Variants in CEACAM19 observed in about 807,000 individuals in gnomAD.
CEACAM19 encodes CEA cell adhesion molecule 19, also known as cell adhesion molecule CEACAM19.
In CEACAM19, 37 loss-of-function variants were observed where a neutral mutation model predicts 37.6. That is an observed-to-expected ratio of 0.98 (90% CI 0.76 to 1.29). The LOEUF (loss-of-function observed/expected upper bound fraction) is 1.29. Ranked by LOEUF, CEACAM19 falls within the 50% of genes most tolerant of loss-of-function variation. The probability of loss-of-function intolerance (pLI) is 0.00; values close to 1 mark genes in which losing one functional copy is unlikely to be tolerated. For synonymous variants in CEACAM19, 140 were observed against 149.8 expected, an observed-to-expected ratio of 0.93 and a Z score of 0.48; for missense variants, 340 against 375.6, an observed-to-expected ratio of 0.91 and a Z score of 0.78.
upstream of CEACAM19, among the ~76,000 whole-genome samples, chr19:44,668,749 TATAATATAATATATATA>T (rs1568513250): frequency 1.9e-5 from 1 of 53,676 alleles, no homozygotes; most frequent in African/African-American, 1.3e-4. Context: ...TATAATATAA[TATAATATAATATATATA>T]ATATAATATA....
intron 1 of CEACAM19, among the ~76,000 whole-genome samples, chr19:44,672,200 G>T (rs1399699787): frequency 6.6e-6 from 1 of 152,152 alleles, no homozygotes; most frequent in Non-Finnish European, 1.5e-5. Context: ...TGTATGTTTG[G>T]TTCCCTGCTA....
chr19:44,676,455 C>T (rs1305178608), intron 3 of CEACAM19, 34 bp downstream of exon 3: 7 of 1,606,084 alleles, frequency 4.4e-6, no homozygotes, highest in South Asian at 2.2e-5. Flanking sequence ...CTCCTGTCTG[C>T]TCCCACTGTC....
At chr19:44,669,856 C>A (rs764643895), upstream of CEACAM19, among the ~76,000 whole-genome samples, 138 of 152,116 alleles carry the variant, frequency 9.1e-4, 1 homozygote, top group Non-Finnish European at 1.9e-3. Flanking sequence ...CACTCTGGAT[C>A]ATAATTGTGT....
At chr19:44,667,803 AAT>A (rs1973755309), upstream of CEACAM19, among the ~76,000 whole-genome samples, 1 of 71,428 alleles carries the variant, frequency 1.4e-5, no homozygotes, top group African/African-American at 6.2e-5. Context: ...TAAATTATAT[AAT>A]TTATATATTA....
chr19:44,678,893 T>A lies in CEACAM19; in HGVS notation c.616T>A (p.Cys206Ser), dbSNP rs930049953. 1 of 1,614,090 alleles carries A rather than the reference T, an allele frequency of 6.2e-7. No individual in the cohort carries two copies. The highest frequency in any genetic ancestry group is 1.3e-5 in the African/African-American group (1 of 75,048). Residue 206 changes from cysteine (C) to serine (S), a missense_variant, in exon 4 of 8, where the codon TGC becomes AGC. Transcript: ENST00000358777. The part of the protein sequence containing the change: ...PRGQGSLSIL[C>S]SAVSPVPSVT... Reference sequence around the variant, plus strand: ...GGGCCAGGGATCTCTGTCCATCTTGTGCTCGGCTGTATCCCCAGTGCCTTC... The same window carrying A: ...GGGCCAGGGATCTCTGTCCATCTTGAGCTCGGCTGTATCCCCAGTGCCTTC...
At chr19:44,679,935 A>G (rs926576846) in intron 4 of CEACAM19, among the ~76,000 whole-genome samples, 8 of 152,170 alleles carry the variant, frequency 5.3e-5, no homozygotes, top group African/African-American at 1.9e-4. Flanking sequence ...GTCTCAAAAA[A>G]TTAAAAAATA....
In CEACAM19 at chr19:44,681,242, ATGAAG is replaced by A. The variant is rs1568518259; in HGVS notation, c.726_730del (p.Glu242AspfsTer13). On this transcript the variant is annotated frameshift_variant, in exon 6 of 8. Transcript: ENST00000358777. LOFTEE classifies it high-confidence loss of function. ...TCTGTTTCAGGTGACAACAACATCT[ATGAAG>A]TGATGCCCTCTCCAGTCCTCCTGGT... The A allele has an allele frequency of 6.8e-6, 11 of 1,614,028 alleles. No individual in the cohort carries two copies. Among genetic ancestry groups the A allele is most frequent in the Non-Finnish European group, 9.3e-6 (11 of 1,179,978 alleles).
At chr19:44,671,301 T>C, upstream of CEACAM19, 1 of 169,392 alleles carries the variant, frequency 5.9e-6, no homozygotes, top group Admixed American at 6.4e-5. Context: ...TTTGTATTTT[T>C]AGTAGAGACA....
At chr19:44,682,930 A>C (rs1391964119) in intron 7 of CEACAM19, 1 of 356,558 alleles carries the variant, frequency 2.8e-6, no homozygotes, top group East Asian at 6.1e-5. Flanking sequence ...TCAGGTCCCC[A>C]GTGAAACCCC....
chr19:44,670,810 A>T (rs74330371), upstream of CEACAM19, among the ~76,000 whole-genome samples: 1 of 139,952 alleles, frequency 7.1e-6, no homozygotes, highest in Non-Finnish European at 1.5e-5. Context: ...AAAAAAAAAA[A>T]ACAGGCTGAG....
chr19:44,669,350 C>G (rs963042395), upstream of CEACAM19, among the ~76,000 whole-genome samples: 1 of 152,030 alleles, frequency 6.6e-6, no homozygotes, highest in East Asian at 1.9e-4. Flanking sequence ...TCTCCAATTC[C>G]TAGGCTCAAG....
At chr19:44,670,549 C>T (rs145496197), upstream of CEACAM19, among the ~76,000 whole-genome samples, 1,954 of 150,572 alleles carry the variant, frequency 0.013, 53 homozygotes, top group African/African-American at 0.045. Flanking sequence ...GTGACGCATG[C>T]CTGTAATCCC....
intron 2 of CEACAM19, chr19:44,673,656 T>G (rs570730778): frequency 6.6e-6 from 1 of 152,324 alleles, no homozygotes; most frequent in East Asian, 1.9e-4. Context: ...TATTTACTCA[T>G]TTTTACCTTA....
At position 44,672,752 on chromosome 19, in the gene CEACAM19, C is replaced by A; in HGVS notation, c.212C>A (p.Thr71Lys). ...TTCAACTGGTACCTGGGGGAGGAGA[C>A]GTACGGAGGCACGAGGCTATTTACC... ...QDFNWYLGEE[T>K]YGGTRLFTYI... The change falls in exon 2 of 8, where the codon ACG (threonine) becomes AAG (lysine). Residue 71 changes from threonine to lysine, a missense_variant. By Grantham distance (78) the Thr-to-Lys change is moderately conservative. Coordinates refer to ENST00000358777, the MANE Select transcript of CEACAM19 (RefSeq NM_001127893.3). 13 of 1,581,746 alleles carry A rather than the reference C, an allele frequency of 8.2e-6. No homozygotes were observed. The highest frequency in any genetic ancestry group is 1.1e-5 in the Non-Finnish European group (13 of 1,162,274).
At chr19:44,667,585 G>GTATATATTTTTATATATAAATATATAT (rs1973735912), upstream of CEACAM19, among the ~76,000 whole-genome samples, 1 of 97,094 alleles carries the variant, frequency 1.0e-5, no homozygotes, top group African/African-American at 3.9e-5. Flanking sequence ...AATTATATAT[G>GTATATATTTTTATATATAAATATATAT]TATATATTTT....
intron 7 of CEACAM19, 95 bp downstream of exon 7, chr19:44,682,715 G>C (rs1343406594): frequency 3.4e-6 from 4 of 1,193,430 alleles, no homozygotes; most frequent in South Asian, 2.9e-5. Context: ...CTGAAACTGG[G>C]GGCTTTCCTC....
In CEACAM19 at chr19:44,683,636, C is replaced by T. The variant is rs1219104166; in HGVS notation, c.*146C>T. On this transcript the variant is annotated 3_prime_UTR_variant, in exon 8 of 8. Transcript: ENST00000358777. ...GCCAAAGACTCAGCAGCACATGGGG[C>T]AGGTGTCCTGGCAGGGGGACAGGAG... The T allele has an allele frequency of 1.4e-5, 7 of 488,804 alleles. No homozygotes were observed. Among genetic ancestry groups the T allele is most frequent in the Admixed American group, 3.7e-5 (1 of 26,908 alleles). The allele number at this position is 488,804 out of a possible 1,614,324, so 30.3% of individuals were successfully genotyped here.
At chr19:44,678,153 T>G (rs1973986047) in intron 3 of CEACAM19, 1 of 152,008 alleles carries the variant, frequency 6.6e-6, no homozygotes. Context: ...TAATTATCTG[T>G]ATTATTATTT....
upstream of CEACAM19, among the ~76,000 whole-genome samples, chr19:44,667,937 A>G (rs1446330401): frequency 1.3e-5 from 1 of 77,330 alleles, no homozygotes; most frequent in African/African-American, 6.5e-5. Context: ...AATATATAAA[A>G]TATATATAAA....
Sources: gnomAD v4.1 joint callset for allele counts (sites outside exome capture counted in the v4.1 genomes callset) on GRCh38, gnomAD v4.1.1 for gene constraint, MANE v1.5 for transcripts, NCBI Gene and HGNC (gene_info 2026-07-23, HGNC 2026-07-21) for gene names.